Variants in LUZP2 observed in about 807,000 individuals in gnomAD.
LUZP2 encodes leucine zipper protein 2.
In LUZP2, 52 loss-of-function variants were observed where a neutral mutation model predicts 51.6. The observed-to-expected ratio is 1.01, with a 90% CI of 0.81 to 1.27. LUZP2 has a LOEUF of 1.27. Ranked by LOEUF, LUZP2 falls within the 50% of genes most tolerant of loss-of-function variation. LUZP2 has a pLI of 0.00. For synonymous variants in LUZP2, 154 were observed against 137.3 expected (o/e 1.12, Z -0.85); for missense variants, 436 against 395.4 (o/e 1.10, Z -0.87).
intron 7 of LUZP2, among the ~76,000 whole-genome samples, chr11:24,962,933 G>C (rs1268462670): frequency 1.3e-5 from 2 of 152,152 alleles, no homozygotes; most frequent in African/African-American, 4.8e-5. Context: ...TGTACAGATG[G>C]GTTTTTGGTG....
Position 24,729,227 on chromosome 11 carries a change from AT to A in LUZP2, c.123del (p.Leu42PhefsTer4), listed in dbSNP as rs1480924064. ...LKEVFKERST[I>X]LRQLTKTSRE... ...AGAAGTCTTTAAGGAGCGAAGCACCATTCTTCGTCAGCTGACAAAGACATCA... is the reference window on the plus strand; with the variant it reads ...AGAAGTCTTTAAGGAGCGAAGCACCATCTTCGTCAGCTGACAAAGACATCA... On this transcript the variant is annotated frameshift_variant, in exon 2 of 12. Coordinates refer to ENST00000336930, the MANE Select transcript of LUZP2 (RefSeq NM_001009909.4). LOFTEE classifies it high-confidence loss of function. 1.9e-6 allele frequency: 3 copies of A among 1,579,282 alleles called. No individual in the cohort carries two copies. Among genetic ancestry groups the A allele is most frequent in the Non-Finnish European group, 2.6e-6 (3 of 1,156,618 alleles).
At chr11:25,006,899 C>T (rs868006699) in intron 9 of LUZP2, among the ~76,000 whole-genome samples, 3 of 152,268 alleles carry the variant, frequency 2.0e-5, no homozygotes, top group Admixed American at 2.0e-4. Context: ...GAAAGGGACC[C>T]AAGCGGGTTG....
rs1853737700 is a variant in LUZP2, at chr11:24,914,543, G to GTC, written c.522+9_522+10dup. The GTC allele has an allele frequency of 6.9e-6, 11 of 1,591,888 alleles. No homozygotes were observed. In the South Asian group the frequency reaches 1.1e-4, roughly 17 times the overall value. On this transcript the variant is annotated splice_donor_region_variant and intron_variant, in intron 7 of 11. Coordinates refer to ENST00000336930, the MANE Select transcript of LUZP2 (RefSeq NM_001009909.4). Reference sequence around the variant, plus strand: ...AAGAAGGATTTATTATTTAAGGTGAGTCTCTTTTCTCTCTTTTCCCTGAAA... The same window carrying GTC: ...AAGAAGGATTTATTATTTAAGGTGAGTCTCTCTTTTCTCTCTTTTCCCTGAAA...
intron 5 of LUZP2, among the ~76,000 whole-genome samples, chr11:24,820,623 T>C (rs778052134): frequency 2.0e-4 from 30 of 151,996 alleles, no homozygotes; most frequent in Non-Finnish European, 3.7e-4. Flanking sequence ...TAGGGGAAAA[T>C]ATAAGGACTT....
At chr11:24,908,860 A>G (rs1003084630) in intron 6 of LUZP2, among the ~76,000 whole-genome samples, 1 of 149,288 alleles carries the variant, frequency 6.7e-6, no homozygotes, top group Non-Finnish European at 1.5e-5. Flanking sequence ...GGTTCATGCC[A>G]TTCTTCTGCG....
intron 1 of LUZP2, among the ~76,000 whole-genome samples, chr11:24,626,659 A>G (rs905674307): frequency 3.3e-5 from 5 of 152,192 alleles, no homozygotes; most frequent in African/African-American, 4.8e-5. Flanking sequence ...ACTTCAGCCA[A>G]TTGTTTGTAA....
chr11:24,907,659 T>C (rs1166256390), intron 6 of LUZP2, among the ~76,000 whole-genome samples: 2 of 152,206 alleles, frequency 1.3e-5, no homozygotes, highest in African/African-American at 4.8e-5. Context: ...ATTGAAGTTA[T>C]ATTCTGATAT....
At chr11:24,966,224 T>A (rs1308174126) in intron 7 of LUZP2, among the ~76,000 whole-genome samples, 1 of 151,700 alleles carries the variant, frequency 6.6e-6, no homozygotes, top group Non-Finnish European at 1.5e-5. Flanking sequence ...TTTGTATTTT[T>A]AATTTATTTA....
intron 5 of LUZP2, among the ~76,000 whole-genome samples, chr11:24,828,823 T>C (rs999942096): frequency 6.6e-6 from 1 of 152,168 alleles, no homozygotes; most frequent in South Asian, 2.1e-4. Context: ...GTGAATTTGC[T>C]TTTAGCTTCT....
intron 5 of LUZP2, among the ~76,000 whole-genome samples, chr11:24,879,172 C>T (rs1386585229): frequency 6.6e-6 from 1 of 151,968 alleles, no homozygotes; most frequent in Non-Finnish European, 1.5e-5. Flanking sequence ...TCTTGATCTC[C>T]TGACCTCGTG....
chr11:24,534,490 T>C (rs1353570929), intron 1 of LUZP2, among the ~76,000 whole-genome samples: 1 of 145,356 alleles, frequency 6.9e-6, no homozygotes, highest in Non-Finnish European at 1.5e-5. Context: ...TGTAAATATA[T>C]AGAAAGCATA....
At chr11:25,023,572 C>T (rs1220968900) in intron 9 of LUZP2, among the ~76,000 whole-genome samples, 2 of 151,136 alleles carry the variant, frequency 1.3e-5, no homozygotes, top group African/African-American at 4.9e-5. Context: ...TATCAATTTT[C>T]AAAAAAACCA....
At chr11:24,952,041 A>C (rs748141140) in intron 7 of LUZP2, among the ~76,000 whole-genome samples, 3 of 151,706 alleles carry the variant, frequency 2.0e-5, no homozygotes, top group Admixed American at 6.6e-5. Flanking sequence ...TTATTTTGCT[A>C]ACAATTCAAT....
intron 1 of LUZP2, among the ~76,000 whole-genome samples, chr11:24,668,343 G>A (rs961962377): frequency 5.3e-5 from 8 of 152,214 alleles, no homozygotes; most frequent in African/African-American, 1.9e-4. Flanking sequence ...CTAGATGCAG[G>A]AGGTCAAAGA....
intron 1 of LUZP2, among the ~76,000 whole-genome samples, chr11:24,728,189 C>A (rs1405705541): frequency 6.6e-6 from 1 of 151,914 alleles, no homozygotes; most frequent in Non-Finnish European, 1.5e-5. Context: ...AAACACTGTT[C>A]TTCCTGACTT....
intron 9 of LUZP2, among the ~76,000 whole-genome samples, chr11:25,036,300 T>C (rs1324377688): frequency 2.6e-5 from 4 of 152,100 alleles, no homozygotes. Flanking sequence ...TATATTTCTG[T>C]GGGATGAGTT....
chr11:24,683,990 G>C (rs1270227083), intron 1 of LUZP2, among the ~76,000 whole-genome samples: 1 of 151,918 alleles, frequency 6.6e-6, no homozygotes, highest in Non-Finnish European at 1.5e-5. Flanking sequence ...TATTTTGCCT[G>C]ATATATGTTC....
chr11:24,538,596 T>A (rs1013599166), intron 1 of LUZP2, among the ~76,000 whole-genome samples: 2 of 151,632 alleles, frequency 1.3e-5, no homozygotes, highest in East Asian at 3.9e-4. Flanking sequence ...ACAAAATTTC[T>A]ACAAAACTAT....
intron 1 of LUZP2, among the ~76,000 whole-genome samples, chr11:24,506,558 T>C (rs1850151567): frequency 6.6e-6 from 1 of 152,086 alleles, no homozygotes; most frequent in South Asian, 2.1e-4. Context: ...TAGAAAGATA[T>C]TGAAGTATAT....
Sources: gnomAD v4.1 joint callset for allele counts (sites outside exome capture counted in the v4.1 genomes callset) on GRCh38, gnomAD v4.1.1 for gene constraint, MANE v1.5 for transcripts, NCBI Gene and HGNC (gene_info 2026-07-23, HGNC 2026-07-21) for gene names.